The following FLRT2 variants were observed in gnomAD, a reference collection of about 807,000 sequenced individuals.
FLRT2 encodes the protein fibronectin leucine rich transmembrane protein 2.
Under a neutral mutation model 40.0 loss-of-function variants are expected in FLRT2, and 15 were observed. That is an observed-to-expected ratio of 0.38 (90% CI 0.25 to 0.58). The LOEUF (loss-of-function observed/expected upper bound fraction) is 0.58, where lower values mean the gene tolerates loss of function less well. Ranked by LOEUF, FLRT2 falls within the 20% of genes least tolerant of loss-of-function variation. The pLI is 0.71. For synonymous variants in FLRT2, 380 were observed against 336.8 expected (o/e 1.13, Z -1.41); for missense variants, 726 against 840.0 (o/e 0.86, Z 1.68).
rs1357106385 is a variant in FLRT2 at position 85,621,431 on chromosome 14, A to G, written c.-84A>G. Reference sequence around the variant, plus strand: ...GAGTTCTGGACTTCAACAGAACCCCATCCAGTCATTTTGATTTTGCTGTTT... The same window carrying G: ...GAGTTCTGGACTTCAACAGAACCCCGTCCAGTCATTTTGATTTTGCTGTTT... On this transcript the variant is annotated 5_prime_UTR_variant, in exon 2 of 2. Coordinates refer to ENST00000330753, the MANE Select transcript of FLRT2 (RefSeq NM_013231.6). 1 of 1,308,218 alleles carries G rather than the reference A, an allele frequency of 7.6e-7. No homozygotes were observed. Among genetic ancestry groups the G allele is most frequent in the Non-Finnish European group, 1.0e-6 (1 of 961,852 alleles). 81.0% of individuals were successfully genotyped at this position (1,308,218 alleles called of 1,614,324 possible).
chr14:85,588,152 CTTA>C (rs1891714877), intron 1 of FLRT2, among the ~76,000 whole-genome samples: 1 of 151,820 alleles, frequency 6.6e-6, no homozygotes, highest in African/African-American at 2.4e-5. Flanking sequence ...AGTCCCGAAT[CTTA>C]TTTTCTTCAT....
At chr14:85,574,706 T>C (rs1366936529) in intron 1 of FLRT2, among the ~76,000 whole-genome samples, 1 of 152,196 alleles carries the variant, frequency 6.6e-6, no homozygotes, top group East Asian at 1.9e-4. Context: ...TAAGCCATCA[T>C]TGCATACAGA....
intron 1 of FLRT2, among the ~76,000 whole-genome samples, chr14:85,558,154 G>A (rs1037446052): frequency 1.2e-4 from 19 of 152,082 alleles, no homozygotes. Flanking sequence ...TTTGCCCTTG[G>A]AATATATGTG....
At position 85,567,917 on chromosome 14, in the gene FLRT2, C is replaced by T. The variant is rs1183291018; in HGVS notation, c.-377+37383C>T. Among the ~76,000 whole-genome samples the T allele has an allele frequency of 2.6e-5, 4 of 152,122 alleles. No homozygotes were observed. The East Asian group carries it at 7.8e-4, about 30-fold the overall frequency. ...GCCTCCCAAAGTGCGGGATTATAAG[C>T]GTGAGCCACCGCGCAAGGCCTGATT... On this transcript the variant is annotated intron_variant, in intron 1 of 1. Coordinates refer to ENST00000330753, the MANE Select transcript of FLRT2 (RefSeq NM_013231.6).
chr14:85,644,996 G>A lies in FLRT2; in HGVS notation c.*21499G>A, dbSNP rs974679386. ...AATCTCCTTGTGAGGGACAGTTCTT[G>A]TCTTGCTAATAGAAATAGATGCCGA... On this transcript the variant is annotated 3_prime_UTR_variant, in exon 2 of 2. Coordinates refer to ENST00000330753, the MANE Select transcript of FLRT2 (RefSeq NM_013231.6). The A allele has an allele frequency of 5.9e-5, 9 of 152,114 alleles. No homozygotes were observed. The highest frequency in any genetic ancestry group is 1.2e-4 in the Non-Finnish European group (8 of 68,026). The allele number at this position is 152,114 out of a possible 1,614,324, so 9.4% of individuals were successfully genotyped here. A position where few individuals can be genotyped will look rare whatever the true frequency, so the allele number is the denominator to read the frequency against.
chr14:85,592,342 C>T (rs1019163071), intron 1 of FLRT2, among the ~76,000 whole-genome samples: 32 of 152,074 alleles, frequency 2.1e-4, no homozygotes, highest in Non-Finnish European at 3.8e-4. Context: ...TTGTGGGACA[C>T]GTGGTAAATG....
intron 1 of FLRT2, among the ~76,000 whole-genome samples, chr14:85,537,391 AC>A (rs2139803473): frequency 6.6e-6 from 1 of 152,226 alleles, no homozygotes; most frequent in Admixed American, 6.5e-5. Context: ...TACACAAAAG[AC>A]TTTTTTAAGA....
intron 1 of FLRT2, among the ~76,000 whole-genome samples, chr14:85,538,915 T>C (rs1888825075): frequency 6.6e-6 from 1 of 152,168 alleles, no homozygotes; most frequent in African/African-American, 2.4e-5. Context: ...AAACAGCCTC[T>C]GTAATGATTT....
At position 85,624,479 on chromosome 14, in the gene FLRT2, A is replaced by G. The variant is rs919030703; in HGVS notation, c.*982A>G. 4 of 167,104 alleles carry G rather than the reference A, an allele frequency of 2.4e-5. No homozygotes were observed. The highest frequency in any genetic ancestry group is 7.2e-5 in the African/African-American group (3 of 41,474). 10.4% of individuals were successfully genotyped at this position (167,104 alleles called of 1,614,324 possible). A position where few individuals can be genotyped will look rare whatever the true frequency, so the allele number is the denominator to read the frequency against. ...TGATATTTAGACCAACAGGTGATCAATGTTTGGAAAATACAACAATGACTT... is the reference window on the plus strand; with the variant it reads ...TGATATTTAGACCAACAGGTGATCAGTGTTTGGAAAATACAACAATGACTT... On this transcript the variant is annotated 3_prime_UTR_variant, in exon 2 of 2. Coordinates refer to ENST00000330753, the MANE Select transcript of FLRT2 (RefSeq NM_013231.6).
At chr14:85,545,997 A>G (rs1256162176) in intron 1 of FLRT2, among the ~76,000 whole-genome samples, 1 of 152,236 alleles carries the variant, frequency 6.6e-6, no homozygotes, top group African/African-American at 2.4e-5. Flanking sequence ...TTCAAAATCT[A>G]TGTAATTGCT....
chr14:85,634,072 A>T lies in FLRT2; in HGVS notation c.*10575A>T, dbSNP rs574870303. On this transcript the variant is annotated 3_prime_UTR_variant, in exon 2 of 2. Coordinates refer to ENST00000330753, the MANE Select transcript of FLRT2 (RefSeq NM_013231.6). Reference sequence around the variant, plus strand: ...AGCTGGTTGTTATTAACAGGCATGCATCCTCTTCAGCTGGATCACGTTGTT... The same window carrying T: ...AGCTGGTTGTTATTAACAGGCATGCTTCCTCTTCAGCTGGATCACGTTGTT... 1.3e-5 allele frequency: 2 copies of T among 152,208 alleles called. No homozygotes were observed. Among genetic ancestry groups the T allele is most frequent in the African/African-American group, 2.4e-5 (1 of 41,444 alleles). The allele number at this position is 152,208 out of a possible 1,614,324, so 9.4% of individuals were successfully genotyped here. A position where few individuals can be genotyped will look rare whatever the true frequency, so the allele number is the denominator to read the frequency against.
At position 85,624,328 on chromosome 14, in the gene FLRT2, C is replaced by T. The variant is rs1277731984; in HGVS notation, c.*831C>T. On this transcript the variant is annotated 3_prime_UTR_variant, in exon 2 of 2. Transcript: ENST00000330753. The stretch of plus-strand genomic sequence containing the variant: ...TCAAATCATATATCAGGTTGAATCA[C>T]ATTCAACAGAGATATATTCTAGAAT... The T allele has an allele frequency of 1.2e-5, 2 of 166,984 alleles. No homozygotes were observed. Among genetic ancestry groups the T allele is most frequent in the African/African-American group, 4.8e-5 (2 of 41,400 alleles). The allele number at this position is 166,984 out of a possible 1,614,324, so 10.3% of individuals were successfully genotyped here. A position where few individuals can be genotyped will look rare whatever the true frequency, so the allele number is the denominator to read the frequency against.
In FLRT2 at chr14:85,599,599, AGACAGC is replaced by A. The variant is rs560705239; in HGVS notation, c.-376-21538_-376-21533del. On this transcript the variant is annotated intron_variant, in intron 1 of 1. Transcript: ENST00000330753. ...TGAAGAAAGAAGTTTTAAGTTAGTC[AGACAGC>A]GCCATGTACAACTAAACAAACTTAA... 2.5e-4 allele frequency among the ~76,000 whole-genome samples: 38 copies of A among 152,362 alleles called. No homozygotes were observed. In the South Asian group the frequency reaches 7.7e-3, roughly 31 times the overall value.
Position 85,544,958 on chromosome 14 carries a change from C to T in FLRT2, c.-377+14424C>T, listed in dbSNP as rs114363215. Among the ~76,000 whole-genome samples the T allele has an allele frequency of 8.8e-3, 1,335 of 152,202 alleles. 15 individuals carry two copies. The highest frequency in any genetic ancestry group is 0.03 in the African/African-American group (1,248 of 41,522). ...TAGAGCACAGTTTGATATGCCCCTTCCTAGCCTTTGGTTTCATCTGGGCTG... is the reference window on the plus strand; with the variant it reads ...TAGAGCACAGTTTGATATGCCCCTTTCTAGCCTTTGGTTTCATCTGGGCTG... On this transcript the variant is annotated intron_variant, in intron 1 of 1. Coordinates refer to ENST00000330753, the MANE Select transcript of FLRT2 (RefSeq NM_013231.6).
At chr14:85,535,274 C>G (rs1406627952) in intron 1 of FLRT2, among the ~76,000 whole-genome samples, 1 of 151,754 alleles carries the variant, frequency 6.6e-6, no homozygotes, top group Non-Finnish European at 1.5e-5. Context: ...AATCTGAAGG[C>G]TAGCTTCCAT....
At position 85,619,153 on chromosome 14, in the gene FLRT2, G is replaced by A. The variant is rs554622789; in HGVS notation, c.-376-1986G>A. Among the ~76,000 whole-genome samples, 241 of 148,192 alleles carry A rather than the reference G, an allele frequency of 1.6e-3. 2 individuals are homozygous for A. Among genetic ancestry groups the A allele is most frequent in the African/African-American group, 5.8e-3 (233 of 40,092 alleles). On this transcript the variant is annotated intron_variant, in intron 1 of 1. Transcript: ENST00000330753. ...CACCCAGGCTGGACTGCAACAGCAT[G>A]ATCTTGGCTCACCTCCGCCTCCCAG...
At chr14:85,555,691 A>T (rs9788605) in intron 1 of FLRT2, among the ~76,000 whole-genome samples, 3,277 of 16,378 alleles carry the variant, frequency 0.2, 121 homozygotes, top group African/African-American at 0.29. Context: ...TCTGAAATCT[A>T]TTTTATTTTA....
chr14:85,573,869 C>T (rs991004475), intron 1 of FLRT2, among the ~76,000 whole-genome samples: 1 of 152,234 alleles, frequency 6.6e-6, no homozygotes, highest in African/African-American at 2.4e-5. Context: ...TATACCACAT[C>T]TAAAGGCTCA....
intron 1 of FLRT2, among the ~76,000 whole-genome samples, chr14:85,549,883 C>A (rs1354252821): frequency 1.3e-5 from 2 of 151,066 alleles, no homozygotes; most frequent in Admixed American, 1.3e-4. Context: ...TCCTAAAGGG[C>A]CTCCCTGTGG....
Sources: allele counts gnomAD v4.1 joint callset (sites outside exome capture counted in the v4.1 genomes callset), GRCh38; gene constraint gnomAD v4.1.1; transcripts MANE v1.5; gene names NCBI Gene and HGNC (gene_info 2026-07-23, HGNC 2026-07-21).